The following WDR43 variants were observed in gnomAD, a reference collection of about 807,000 sequenced individuals.
The protein encoded by WDR43 is WD repeat domain 43, also known as WD repeat-containing protein 43.
WDR43 carries 13 observed loss-of-function variants against 91.4 expected under a neutral mutation model. That is an observed-to-expected ratio of 0.14 (90% CI 0.09 to 0.23). The LOEUF is 0.23. Among genes scored for constraint, WDR43 ranks in the 10% least tolerant of loss-of-function variants. The pLI is 1.00. For synonymous variants in WDR43, 331 were observed against 287.9 expected (o/e 1.15, Z -1.51); for missense variants, 780 against 809.4 (o/e 0.96, Z 0.44).
chr2:28,904,613 A>G (rs1218991247), intron 2 of WDR43, among the ~76,000 whole-genome samples: 1 of 152,240 alleles, frequency 6.6e-6, no homozygotes, highest in African/African-American at 2.4e-5. Flanking sequence ...TTGATTACTA[A>G]CAAGGTTGAA....
At chr2:28,918,874 C>T (rs1365642591) in intron 6 of WDR43, among the ~76,000 whole-genome samples, 4 of 152,152 alleles carry the variant, frequency 2.6e-5, no homozygotes, top group African/African-American at 9.7e-5. Flanking sequence ...AGGATATTCA[C>T]TTTTAACTCA....
Position 28,911,213 on chromosome 2 carries a change from A to G in WDR43, c.486-1377A>G, listed in dbSNP as rs528341328. Among the ~76,000 whole-genome samples, 14 of 152,170 alleles carry G rather than the reference A, an allele frequency of 9.2e-5. 1 individual carries two copies. In the South Asian group the frequency reaches 2.3e-3, roughly 25 times the overall value. ...TTTGCATGTGTGGCATAATGTAGGA[A>G]TCTAATTTTGTTTTTCTAATGACTG... On this transcript the variant is annotated intron_variant, in intron 3 of 17. Transcript: ENST00000407426.
In WDR43 at chr2:28,922,797, G is replaced by GTTTTTTTT. The variant is rs70958224; in HGVS notation, c.850-112_850-105dup. On this transcript the variant is annotated intron_variant, in intron 6 of 17. Transcript: ENST00000407426. ...TTATTTTTAAATGGATTCTTGCTGT[G>GTTTTTTTT]TTTTTTTTTTTTTTTTTCTGGTTGT... 57 of 233,866 alleles carry GTTTTTTTT rather than the reference G, an allele frequency of 2.4e-4. 10 individuals are homozygous for GTTTTTTTT. Among genetic ancestry groups the GTTTTTTTT allele is most frequent in the South Asian group, 3.8e-4 (4 of 10,622 alleles). 14.5% of individuals were successfully genotyped at this position (233,866 alleles called of 1,614,324 possible). A position where few individuals can be genotyped will look rare whatever the true frequency, so the allele number is the denominator to read the frequency against.
chr2:28,901,913 A>G, intron 1 of WDR43, 74 bp from the exon 2 acceptor site: 1 of 1,407,258 alleles, frequency 7.1e-7, no homozygotes, highest in Non-Finnish European at 9.5e-7. Context: ...GCTGGTGGGC[A>G]TTTGTATTTG....
chr2:28,933,270 A>G (rs1671281991), intron 11 of WDR43, among the ~76,000 whole-genome samples: 1 of 152,224 alleles, frequency 6.6e-6, no homozygotes, highest in Admixed American at 6.5e-5. Context: ...ATAGTTTGAT[A>G]TTGGTGAAAA....
At chr2:28,908,691 C>G (rs991718282) in intron 3 of WDR43, among the ~76,000 whole-genome samples, 2 of 152,222 alleles carry the variant, frequency 1.3e-5, no homozygotes, top group African/African-American at 4.8e-5. Flanking sequence ...CTCATAATTT[C>G]ATTATGTTTC....
intron 1 of WDR43, among the ~76,000 whole-genome samples, chr2:28,896,315 T>C (rs1471257200): frequency 6.6e-6 from 1 of 152,224 alleles, no homozygotes; most frequent in Non-Finnish European, 1.5e-5. Context: ...GCCCCTCTGG[T>C]TCCTCATTTA....
intron 5 of WDR43, among the ~76,000 whole-genome samples, chr2:28,915,937 A>C (rs897349722): frequency 2.0e-5 from 3 of 152,332 alleles, no homozygotes; most frequent in Non-Finnish European, 4.4e-5. Context: ...TCTGAACTCC[A>C]AAGAAGCTGA....
At chr2:28,895,029 C>A in intron 1 of WDR43, 106 bp downstream of exon 1, 2 of 1,211,544 alleles carry the variant, frequency 1.7e-6, no homozygotes, top group Non-Finnish European at 2.2e-6. Context: ...CTCAGCGGCC[C>A]GGGCCAGAAG....
In WDR43 at chr2:28,941,458, T is replaced by A. The variant is rs771008674; in HGVS notation, c.1621-3T>A. The A allele has an allele frequency of 6.2e-7, 1 of 1,609,154 alleles. No homozygotes were observed. Among genetic ancestry groups the A allele is most frequent in the Admixed American group, 1.7e-5 (1 of 59,422 alleles). On this transcript the variant is annotated splice_region_variant and splice_polypyrimidine_tract_variant and intron_variant, in intron 14 of 17. Transcript: ENST00000407426. Reference sequence around the variant, plus strand: ...AGTGCCAAATGATCATTTTTTTCTCTAGTTGCCTGACCTGGTACCCCAGCT... The same window carrying A: ...AGTGCCAAATGATCATTTTTTTCTCAAGTTGCCTGACCTGGTACCCCAGCT...
chr2:28,899,581 A>G (rs1670543018), intron 1 of WDR43, among the ~76,000 whole-genome samples: 1 of 152,336 alleles, frequency 6.6e-6, no homozygotes, highest in East Asian at 1.9e-4. Flanking sequence ...AACTGTTTAT[A>G]TTGATTTATT....
At chr2:28,935,689 A>G in intron 12 of WDR43, 82 bp downstream of exon 12, 1 of 881,364 alleles carries the variant, frequency 1.1e-6, no homozygotes, top group Non-Finnish European at 1.7e-6. Flanking sequence ...ATGGATTTGT[A>G]ATACGTAAGG....
intron 1 of WDR43, among the ~76,000 whole-genome samples, chr2:28,898,536 T>G (rs1467580346): frequency 6.6e-6 from 1 of 152,220 alleles, no homozygotes; most frequent in African/African-American, 2.4e-5. Flanking sequence ...GAAACACACA[T>G]GCAGTGGCAG....
At chr2:28,910,515 A>G (rs12053518) in intron 3 of WDR43, among the ~76,000 whole-genome samples, 137,615 of 151,862 alleles carry the variant, frequency 0.91, 62,460 homozygotes, top group Non-Finnish European at 0.93. Context: ...TTGCCTGTTT[A>G]GTTGTTTATA....
chr2:28,930,177 G>A, intron 11 of WDR43: 1 of 462,414 alleles, frequency 2.2e-6, no homozygotes, highest in Non-Finnish European at 4.5e-6. Context: ...AAATTCAAGA[G>A]GGTTGGGGGT....
chr2:28,907,852 C>G (rs1002896260), intron 3 of WDR43, among the ~76,000 whole-genome samples: 2 of 148,420 alleles, frequency 1.3e-5, no homozygotes, highest in African/African-American at 4.9e-5. Context: ...TGTAGTGAGC[C>G]AAGATCACGC....
At chr2:28,899,068 A>G (rs1276790146) in intron 1 of WDR43, among the ~76,000 whole-genome samples, 4 of 152,196 alleles carry the variant, frequency 2.6e-5, no homozygotes, top group African/African-American at 7.2e-5. Context: ...TGCTTAACTC[A>G]GTTTGCCCTT....
rs181267191 is a variant in WDR43, at chr2:28,912,049, G to A, written c.486-541G>A. ...TTGAGGTAGTGAAAAGGAGTCATTT[G>A]TACCTAATTAATTTTTACCTGTCAG... On this transcript the variant is annotated intron_variant, in intron 3 of 17. Transcript: ENST00000407426. 1.3e-3 allele frequency among the ~76,000 whole-genome samples: 200 copies of A among 152,284 alleles called. 1 individual carries two copies. Among genetic ancestry groups the A allele is most frequent in the Non-Finnish European group, 2.3e-3 (159 of 68,010 alleles).
At chr2:28,895,193 C>T (rs1208153477) in intron 1 of WDR43, 2 of 324,258 alleles carry the variant, frequency 6.2e-6, no homozygotes, top group Admixed American at 5.0e-5. Context: ...CCACTGTTGA[C>T]GGGCAGCCAT....
Sources: gnomAD v4.1 joint callset for allele counts (sites outside exome capture counted in the v4.1 genomes callset) on GRCh38, gnomAD v4.1.1 for gene constraint, MANE v1.5 for transcripts, NCBI Gene and HGNC (gene_info 2026-07-23, HGNC 2026-07-21) for gene names.